Variants in RBFOX1 observed in about 807,000 individuals in gnomAD.
RBFOX1 encodes RNA binding protein fox-1 homolog 1.
In RBFOX1, 8 loss-of-function variants were observed where a neutral mutation model predicts 57.7. That is an observed-to-expected ratio of 0.14 (90% confidence interval 0.08 to 0.25). RBFOX1 has a LOEUF of 0.25. Among genes scored for constraint, RBFOX1 ranks in the 10% least tolerant of loss-of-function variants. The pLI, the probability that RBFOX1 is intolerant of heterozygous loss-of-function variation, is 1.00. For missense variants in RBFOX1, 611 were observed against 548.5 expected, an observed-to-expected ratio of 1.11 and a Z score of -1.14; for synonymous variants, 326 against 222.4, an observed-to-expected ratio of 1.47 and a Z score of -4.15.
chr16:5,821,582 C>T (rs9302809), intron 3 of RBFOX1, among the ~76,000 whole-genome samples: 112,554 of 152,114 alleles, frequency 0.74, 42,539 homozygotes, highest in African/African-American at 0.9. Context: ...GGATTATAGG[C>T]ATGACCTACC....
chr16:7,328,477 C>CAA (rs58553232), intron 4 of RBFOX1, among the ~76,000 whole-genome samples: 797 of 59,894 alleles, frequency 0.013, 47 homozygotes, highest in South Asian at 0.045. Context: ...GACTCTGTCT[C>CAA]AAAAAAAAAA....
intron 1 of RBFOX1, among the ~76,000 whole-genome samples, chr16:5,454,755 T>TTTTC (rs1555523989): frequency 1.9e-4 from 12 of 62,904 alleles, no homozygotes; most frequent in Non-Finnish European, 4.1e-4. Flanking sequence ...TTTTCTTTTC[T>TTTTC]TTTCTTTCTT....
chr16:6,926,027 G>T (rs1010829884), intron 3 of RBFOX1, among the ~76,000 whole-genome samples: 1 of 152,224 alleles, frequency 6.6e-6, no homozygotes, highest in East Asian at 1.9e-4. Context: ...TCAACTTGCT[G>T]GCTGGGCTTG....
chr16:5,672,104 C>A (rs533154176), intron 3 of RBFOX1, among the ~76,000 whole-genome samples: 3 of 152,102 alleles, frequency 2.0e-5, no homozygotes, highest in African/African-American at 7.2e-5. Context: ...GTTTATGTCT[C>A]TTGGTATGTT....
chr16:5,678,614 C>G (rs1312416490), intron 3 of RBFOX1, among the ~76,000 whole-genome samples: 3 of 152,124 alleles, frequency 2.0e-5, no homozygotes, highest in Admixed American at 6.5e-5. Flanking sequence ...TGCTTGAGCC[C>G]GTCCCACAGG....
intron 4 of RBFOX1, among the ~76,000 whole-genome samples, chr16:7,245,692 T>A (rs1285906517): frequency 6.6e-6 from 1 of 152,248 alleles, no homozygotes; most frequent in Non-Finnish European, 1.5e-5. Flanking sequence ...TGTTGAAAGA[T>A]GTTTGCCTGC....
intron 4 of RBFOX1, among the ~76,000 whole-genome samples, chr16:7,135,222 C>G (rs1229523377): frequency 1.3e-5 from 2 of 152,056 alleles, no homozygotes; most frequent in Non-Finnish European, 2.9e-5. Context: ...TAAGTTTCAG[C>G]CCTGTCTAGG....
chr16:5,860,935 A>G (rs377703095), intron 3 of RBFOX1, among the ~76,000 whole-genome samples: 10 of 152,320 alleles, frequency 6.6e-5, no homozygotes, highest in African/African-American at 2.2e-4. Context: ...AGAAAGCTTC[A>G]TTCTCTGCTT....
intron 3 of RBFOX1, chr16:6,705,133 T>A (rs1470074398): frequency 6.6e-6 from 1 of 152,192 alleles, no homozygotes; most frequent in African/African-American, 2.4e-5. Flanking sequence ...AGTGCCTTCA[T>A]GGCAAATGTT....
intron 9 of RBFOX1, among the ~76,000 whole-genome samples, chr16:7,599,383 A>G (rs1182308156): frequency 6.6e-6 from 1 of 152,368 alleles, no homozygotes; most frequent in South Asian, 2.1e-4. Flanking sequence ...TTCATAAGCC[A>G]TGTGCATGTA....
intron 3 of RBFOX1, among the ~76,000 whole-genome samples, chr16:7,037,741 A>C (rs1215895681): frequency 1.3e-5 from 2 of 152,142 alleles, no homozygotes; most frequent in African/African-American, 4.8e-5. Flanking sequence ...AAGGTCTGTA[A>C]GCTAATAAGG....
At chr16:7,611,985 C>G (rs947712472) in intron 10 of RBFOX1, among the ~76,000 whole-genome samples, 1 of 152,218 alleles carries the variant, frequency 6.6e-6, no homozygotes, top group South Asian at 2.1e-4. Flanking sequence ...TTGATAATTT[C>G]TTCTAAAATC....
chr16:6,238,443 C>G (rs1222874886), intron 1 of RBFOX1, among the ~76,000 whole-genome samples: 9 of 152,122 alleles, frequency 5.9e-5, no homozygotes, highest in African/African-American at 2.2e-4. Flanking sequence ...TAGGATGCCT[C>G]CTGGCATGGT....
intron 4 of RBFOX1, among the ~76,000 whole-genome samples, chr16:5,982,388 C>T (rs1221915590): frequency 1.3e-5 from 2 of 152,080 alleles, no homozygotes; most frequent in Non-Finnish European, 2.9e-5. Flanking sequence ...GTTTTCCCTT[C>T]CTCAGCCTCC....
rs142137354 is a variant in RBFOX1 at position 6,644,138 on chromosome 16, G to A, written c.-63-10465G>A. ...GAGACTCCATCTCAATAATAATAGT[G>A]TAGGTTGCATAAAATCACCAGTATG... On this transcript the variant is annotated intron_variant, in intron 2 of 15. Transcript: ENST00000550418. Among the ~76,000 whole-genome samples, 813 of 152,208 alleles carry A rather than the reference G, an allele frequency of 5.3e-3. 10 individuals are homozygous for A. The highest frequency in any genetic ancestry group is 0.018 in the African/African-American group (741 of 41,528).
intron 3 of RBFOX1, among the ~76,000 whole-genome samples, chr16:6,895,716 G>C (rs1325355196): frequency 1.3e-5 from 2 of 151,872 alleles, no homozygotes; most frequent in Admixed American, 6.6e-5. Flanking sequence ...GGATACTCAT[G>C]TGATTGCACA....
At chr16:7,186,211 T>A (rs2083714383) in intron 4 of RBFOX1, among the ~76,000 whole-genome samples, 5 of 146,994 alleles carry the variant, frequency 3.4e-5, no homozygotes. Context: ...AATGTGTATA[T>A]AAATATTTAT....
At chr16:7,521,477 G>A (rs1055171849) in intron 5 of RBFOX1, among the ~76,000 whole-genome samples, 3 of 152,186 alleles carry the variant, frequency 2.0e-5, no homozygotes, top group Admixed American at 6.5e-5. Context: ...TTGGGGAGCT[G>A]AGATGCTCCA....
intron 1 of RBFOX1, 70 bp from the exon 2 acceptor site, chr16:6,316,924 CA>C: frequency 2.2e-6 from 3 of 1,372,584 alleles, no homozygotes; most frequent in African/African-American, 1.4e-5. Flanking sequence ...ATTACTATGA[CA>C]AAAAAAGTGC....
Sources: gnomAD v4.1 joint callset for allele counts (sites outside exome capture counted in the v4.1 genomes callset) on GRCh38, gnomAD v4.1.1 for gene constraint, MANE v1.5 for transcripts, NCBI Gene and HGNC (gene_info 2026-07-23, HGNC 2026-07-21) for gene names.